NSUN6: variants seen among roughly 807,000 people sequenced by gnomAD.
NSUN6 encodes NOP2/Sun RNA methyltransferase 6.
In NSUN6, 64 loss-of-function variants were observed where a neutral mutation model predicts 58.0. The observed-to-expected ratio is 1.10, with a 90% confidence interval of 0.90 to 1.36. The LOEUF (loss-of-function observed/expected upper bound fraction) is 1.36, where lower values mean the gene tolerates loss of function less well. Among genes scored for constraint, NSUN6 ranks in the 40% most tolerant of loss-of-function variants. The pLI is 0.00. For synonymous variants in NSUN6, 231 were observed against 193.9 expected (o/e 1.19, Z -1.59); for missense variants, 701 against 550.1 (o/e 1.27, Z -2.74).
intron 2 of NSUN6, 74 bp downstream of exon 2, chr10:18,648,416 A>G (rs1483345285): frequency 4.3e-6 from 4 of 934,252 alleles, no homozygotes; most frequent in Non-Finnish European, 6.7e-6. Context: ...TATATCATTC[A>G]TAGGATTTTA....
chr10:18,547,214 A>T (rs1222754434), intron 10 of NSUN6, among the ~76,000 whole-genome samples: 1 of 152,218 alleles, frequency 6.6e-6, no homozygotes, highest in Non-Finnish European at 1.5e-5. Context: ...ACCATCACAG[A>T]CAATCATCTG....
chr10:18,569,400 C>T (rs758313966), intron 8 of NSUN6, among the ~76,000 whole-genome samples: 2 of 151,234 alleles, frequency 1.3e-5, no homozygotes, highest in East Asian at 3.9e-4. Context: ...TTCCATTCTC[C>T]CTTCCATTCC....
At chr10:18,651,796 C>G, upstream of NSUN6, 1 of 985,430 alleles carries the variant, frequency 1.0e-6, no homozygotes, top group East Asian at 1.1e-4. Context: ...TAGGCAGACC[C>G]CGCGGGCGGG....
intron 8 of NSUN6, among the ~76,000 whole-genome samples, chr10:18,566,812 T>C (rs779679977): frequency 4.0e-5 from 6 of 151,020 alleles, no homozygotes; most frequent in Non-Finnish European, 8.9e-5. Context: ...CTCCATTCCA[T>C]ACCATTTTTC....
intron 3 of NSUN6, among the ~76,000 whole-genome samples, chr10:18,628,797 C>T (rs1015086815): frequency 3.3e-5 from 5 of 152,058 alleles, no homozygotes; most frequent in African/African-American, 9.7e-5. Flanking sequence ...CAGAAAGTGA[C>T]GGGGAGAATG....
In NSUN6 at chr10:18,545,760, C is replaced by A; in HGVS notation, c.*173G>T. On this transcript the variant is annotated 3_prime_UTR_variant, in exon 11 of 11. Coordinates refer to ENST00000377304, the MANE Select transcript of NSUN6 (RefSeq NM_182543.5). Reference sequence around the variant, plus strand: ...AAAAACAGAAAATATAATCTCATACCACCCCCTACTTCCTCTATGTCTCTG... The same window carrying A: ...AAAAACAGAAAATATAATCTCATACAACCCCCTACTTCCTCTATGTCTCTG... 6 of 558,402 alleles carry A rather than the reference C, an allele frequency of 1.1e-5. No homozygotes were observed. Among genetic ancestry groups the A allele is most frequent in the Admixed American group, 3.6e-5 (1 of 27,942 alleles). The allele number at this position is 558,402 out of a possible 1,614,324, so 34.6% of individuals were successfully genotyped here. A position where few individuals can be genotyped will look rare whatever the true frequency, so the allele number is the denominator to read the frequency against.
chr10:18,583,211 C>A (rs1220201124), intron 8 of NSUN6, among the ~76,000 whole-genome samples: 1 of 152,240 alleles, frequency 6.6e-6, no homozygotes, highest in Non-Finnish European at 1.5e-5. Flanking sequence ...CTCCACCACG[C>A]ATCTTGTAAC....
intron 6 of NSUN6, among the ~76,000 whole-genome samples, chr10:18,606,011 T>C (rs1046043963): frequency 6.6e-6 from 1 of 151,964 alleles, no homozygotes; most frequent in African/African-American, 2.4e-5. Flanking sequence ...GAGATAGACA[T>C]GATGGGGGAA....
chr10:18,593,098 T>TG (rs755266150), intron 7 of NSUN6, among the ~76,000 whole-genome samples: 15 of 152,082 alleles, frequency 9.9e-5, no homozygotes, highest in Middle Eastern at 6.8e-3. Context: ...AATAAACATA[T>TG]GAAAAAAAGC....
intron 8 of NSUN6, among the ~76,000 whole-genome samples, chr10:18,579,835 T>C (rs1293640142): frequency 6.6e-6 from 1 of 152,174 alleles, no homozygotes; most frequent in East Asian, 1.9e-4. Context: ...TAAATCTGCA[T>C]TTTTACATAA....
At chr10:18,561,923 G>GAATGA (rs892878752) in intron 8 of NSUN6, among the ~76,000 whole-genome samples, 2 of 149,770 alleles carry the variant, frequency 1.3e-5, no homozygotes, top group Non-Finnish European at 3.0e-5. Context: ...ATGGAGAATG[G>GAATGA]AATGAATGGA....
rs1270278243 is a variant in NSUN6, at chr10:18,651,585, A to G, written c.-382T>C. ...GCAGCTCGGTCCCTTTATCTTTTCT[A>G]TCAATTTCCAAACACGCGCCCCCTA... is the stretch of plus-strand genomic sequence containing the variant. On this transcript the variant is annotated 5_prime_UTR_variant, in exon 1 of 11. Transcript: ENST00000377304. 2 of 990,892 alleles carry G rather than the reference A, an allele frequency of 2.0e-6. No homozygotes were observed. Among genetic ancestry groups the G allele is most frequent in the African/African-American group, 1.7e-5 (1 of 57,524 alleles). The allele number at this position is 990,892 out of a possible 1,614,324, so 61.4% of individuals were successfully genotyped here.
At chr10:18,622,709 T>TG (rs1196548340) in intron 3 of NSUN6, among the ~76,000 whole-genome samples, 2 of 152,074 alleles carry the variant, frequency 1.3e-5, no homozygotes, top group Non-Finnish European at 2.9e-5. Context: ...GACTCCGCCT[T>TG]GGGGGGAAAA....
In NSUN6 at chr10:18,616,576, T is replaced by C. The variant is rs192517936; in HGVS notation, c.312-283A>G. ...ATTTAACAAGCATTACTGTTTATCA[T>C]AGCATTAGGAGAAAAATAGACTTTC... is the stretch of plus-strand genomic sequence containing the variant. On this transcript the variant is annotated intron_variant, in intron 3 of 10. Coordinates refer to ENST00000377304, the MANE Select transcript of NSUN6 (RefSeq NM_182543.5). 4.0e-3 allele frequency among the ~76,000 whole-genome samples: 611 copies of C among 152,316 alleles called. 3 individuals are homozygous for C. Among genetic ancestry groups the C allele is most frequent in the Admixed American group, 7.1e-3 (109 of 15,300 alleles).
intron 5 of NSUN6, among the ~76,000 whole-genome samples, chr10:18,611,358 T>A (rs909338157): frequency 6.6e-6 from 1 of 152,084 alleles, no homozygotes; most frequent in Admixed American, 6.5e-5. Context: ...GTTTATGAGT[T>A]GATCTTGGCA....
intron 8 of NSUN6, among the ~76,000 whole-genome samples, chr10:18,566,785 A>G (rs1414030568): frequency 1.5e-5 from 2 of 134,532 alleles, no homozygotes; most frequent in Non-Finnish European, 3.2e-5. Flanking sequence ...CCATTCCATT[A>G]CCCATTCCCT....
At chr10:18,633,101 T>C (rs939992304) in intron 3 of NSUN6, among the ~76,000 whole-genome samples, 3 of 151,836 alleles carry the variant, frequency 2.0e-5, no homozygotes, top group Admixed American at 6.6e-5. Flanking sequence ...TTCGTGTCCT[T>C]TGTAGGGACA....
At position 18,630,739 on chromosome 10, in the gene NSUN6, G is replaced by A. The variant is rs533094022; in HGVS notation, c.311+11737C>T. Reference sequence around the variant, plus strand: ...GAATCTCTGAATAGACCAATAACAGGAGCTGAAATTGTGGCAATAATCAAT... The same window carrying A: ...GAATCTCTGAATAGACCAATAACAGAAGCTGAAATTGTGGCAATAATCAAT... On this transcript the variant is annotated intron_variant, in intron 3 of 10. Coordinates refer to ENST00000377304, the MANE Select transcript of NSUN6 (RefSeq NM_182543.5). Among the ~76,000 whole-genome samples the A allele has an allele frequency of 3.9e-4, 59 of 152,258 alleles. No individual in the cohort carries two copies. The South Asian group carries it at 0.012, about 31-fold the overall frequency.
intron 10 of NSUN6, among the ~76,000 whole-genome samples, 179 bp from the exon 11 acceptor site, chr10:18,546,324 G>A (rs1417597447): frequency 2.0e-5 from 3 of 152,146 alleles, no homozygotes; most frequent in African/African-American, 7.2e-5. Flanking sequence ...CAGTAAAGTA[G>A]GAAAGCAATA....
Sources: allele counts gnomAD v4.1 joint callset (sites outside exome capture counted in the v4.1 genomes callset), GRCh38; gene constraint gnomAD v4.1.1; transcripts MANE v1.5; gene names NCBI Gene and HGNC (gene_info 2026-07-23, HGNC 2026-07-21).